Variants in ZNF532 observed in about 807,000 individuals in gnomAD.
ZNF532 encodes zinc finger protein 532.
In ZNF532, 22 loss-of-function variants were observed where a neutral mutation model predicts 89.3. The observed-to-expected ratio is 0.25, with a 90% confidence interval of 0.18 to 0.35. The LOEUF (loss-of-function observed/expected upper bound fraction) is 0.35, where lower values mean the gene tolerates loss of function less well. Ranked by LOEUF, ZNF532 falls within the 10% of genes least tolerant of loss-of-function variation. The pLI is 1.00. For synonymous variants in ZNF532, 606 were observed against 649.6 expected (o/e 0.93, Z 1.02); for missense variants, 1,132 against 1,643.4 (o/e 0.69, Z 5.38).
At chr18:58,936,146 C>G (rs561851449) in intron 4 of ZNF532, among the ~76,000 whole-genome samples, 2 of 152,170 alleles carry the variant, frequency 1.3e-5, no homozygotes, top group Admixed American at 6.5e-5. Context: ...TGGTAATTCA[C>G]GTATTCTTTC....
chr18:58,873,646 G>T (rs2057180247), intron 2 of ZNF532, among the ~76,000 whole-genome samples: 1 of 151,950 alleles, frequency 6.6e-6, no homozygotes, highest in African/African-American at 2.4e-5. Context: ...TAGAGACGGG[G>T]TAACACCATG....
chr18:58,904,130 T>A (rs2059773981), intron 2 of ZNF532, among the ~76,000 whole-genome samples: 1 of 152,120 alleles, frequency 6.6e-6, no homozygotes, highest in South Asian at 2.1e-4. Context: ...GCAGGCGAAT[T>A]GCTTCAGCTC....
At chr18:58,937,130 T>A (rs896962514) in intron 4 of ZNF532, among the ~76,000 whole-genome samples, 1 of 152,302 alleles carries the variant, frequency 6.6e-6, no homozygotes, top group East Asian at 1.9e-4. Flanking sequence ...AGGGGAATGG[T>A]TATAGGATTT....
intron 2 of ZNF532, among the ~76,000 whole-genome samples, chr18:58,898,168 T>C (rs1279306369): frequency 6.6e-6 from 1 of 152,188 alleles, no homozygotes; most frequent in African/African-American, 2.4e-5. Context: ...GACTTGTTCA[T>C]TTGAGATAGT....
chr18:58,945,011 T>C (rs989475285), intron 5 of ZNF532, among the ~76,000 whole-genome samples: 1 of 152,176 alleles, frequency 6.6e-6, no homozygotes, highest in African/African-American at 2.4e-5. Flanking sequence ...TCATTGTTGA[T>C]TACAATACCA....
chr18:58,920,960 TGCCTGTTGCGCCA>T (rs2061026342), intron 3 of ZNF532, among the ~76,000 whole-genome samples: 1 of 151,950 alleles, frequency 6.6e-6, no homozygotes, highest in Admixed American at 6.6e-5. Flanking sequence ...CAGTGGCGTG[TGCCTGTTGCGCCA>T]GCTATATTCG....
chr18:58,919,216 C>T lies in ZNF532; in HGVS notation c.929C>T (p.Ala310Val). 6.2e-7 allele frequency: 1 copy of T among 1,614,092 alleles called. No homozygotes were observed. Among genetic ancestry groups the T allele is most frequent in the Non-Finnish European group, 8.5e-7 (1 of 1,179,970 alleles). ...AAAGAAGTAAATGACAGTCCGAGAG[C>T]CGCTGACAAGTCTCCTGAATCCCAG... Reference protein sequence around the residue: ...LPKEVNDSPRAADKSPESQNL... With the variant: ...LPKEVNDSPRVADKSPESQNL... The change falls in exon 3 of 10, where the codon GCC (alanine) becomes GTC (valine). Residue 310 changes from alanine to valine, a missense_variant. Coordinates refer to ENST00000591808, the MANE Select transcript of ZNF532 (RefSeq NM_001375912.1). The surrounding 1 kb of genome is among the most constrained non-coding windows in gnomAD (Gnocchi z 6.1).
At chr18:58,956,874 T>A (rs2064831911) in intron 7 of ZNF532, among the ~76,000 whole-genome samples, 1 of 152,200 alleles carries the variant, frequency 6.6e-6, no homozygotes, top group African/African-American at 2.4e-5. Flanking sequence ...CAGGTTTCTG[T>A]CCTAGAAACA....
intron 4 of ZNF532, among the ~76,000 whole-genome samples, chr18:58,937,172 A>C (rs2062550465): frequency 6.6e-6 from 1 of 152,254 alleles, no homozygotes; most frequent in South Asian, 2.1e-4. Flanking sequence ...AATTCAAAAA[A>C]TAAAGAAACT....
rs779781009 is a variant in ZNF532 at position 58,919,537 on chromosome 18, C to A, written c.1250C>A (p.Ser417Tyr). 3 of 1,614,078 alleles carry A rather than the reference C, an allele frequency of 1.9e-6. No homozygotes were observed. The African/African-American group carries it at 4.0e-5, about 22-fold the overall frequency. ...TCTCCAGCATCAGCCGCCGTCCTTT[C>A]CTCTCCCCCCAGGGCGCCTCTCCAG... is the stretch of plus-strand genomic sequence containing the variant. ...LSSPASAAVL[S>Y]SPPRAPLQSA... is the part of the protein sequence containing the mutation. Residue 417 changes from serine to tyrosine, a missense_variant, in exon 3 of 10, where the codon TCC becomes TAC. Physicochemically the swap from Ser to Tyr is moderately radical, Grantham distance 144. This residue lies in a region of ZNF532 where 124 missense variants were observed against 191.6 expected (regional missense o/e 0.65). Coordinates refer to ENST00000591808, the MANE Select transcript of ZNF532 (RefSeq NM_001375912.1). This position sits in a 1 kb window ranked among gnomAD's most constrained non-coding sequence, Gnocchi z 6.1.
At chr18:58,896,180 C>G (rs1405184482) in intron 2 of ZNF532, among the ~76,000 whole-genome samples, 1 of 152,126 alleles carries the variant, frequency 6.6e-6, no homozygotes, top group Non-Finnish European at 1.5e-5. Context: ...ACTTTCTTCC[C>G]TGTTAAATCT....
chr18:58,946,025 G>A (rs1412067276), intron 5 of ZNF532, among the ~76,000 whole-genome samples: 2 of 152,038 alleles, frequency 1.3e-5, no homozygotes, highest in East Asian at 1.9e-4. Context: ...CACTGCGCCC[G>A]GCCAAGTCTA....
At position 58,986,352 on chromosome 18, in the gene ZNF532, T is replaced by A. The variant is rs1447619900; in HGVS notation, c.*1886T>A. 1 of 152,688 alleles carries A rather than the reference T, an allele frequency of 6.5e-6. No homozygotes were observed. Among genetic ancestry groups the A allele is most frequent in the Admixed American group, 6.5e-5 (1 of 15,292 alleles). 9.5% of individuals were successfully genotyped at this position (152,688 alleles called of 1,614,324 possible). ...AGTTCTTTGCCGAAGCCCTCATAGC[T>A]GGTAAGTGGCTTTGCATATTAGAAC... is the stretch of plus-strand genomic sequence containing the variant. On this transcript the variant is annotated 3_prime_UTR_variant, in exon 10 of 10. Coordinates refer to ENST00000591808, the MANE Select transcript of ZNF532 (RefSeq NM_001375912.1).
chr18:58,920,698 T>A, intron 3 of ZNF532, 65 bp downstream of exon 3: 1 of 1,412,678 alleles, frequency 7.1e-7, no homozygotes, highest in Non-Finnish European at 9.6e-7. Context: ...CTTGATAAGA[T>A]GCCCTTGATT....
intron 2 of ZNF532, among the ~76,000 whole-genome samples, chr18:58,888,783 A>T (rs1276542543): frequency 1.8e-5 from 1 of 54,476 alleles, no homozygotes; most frequent in Non-Finnish European, 2.8e-5. Context: ...TTATATATAT[A>T]TAAAATATAT....
chr18:58,909,111 G>A (rs538592317), intron 2 of ZNF532, among the ~76,000 whole-genome samples: 4 of 152,172 alleles, frequency 2.6e-5, no homozygotes, highest in East Asian at 1.9e-4. Flanking sequence ...GCACTACCAC[G>A]CCTGGCTAAT....
intron 7 of ZNF532, among the ~76,000 whole-genome samples, chr18:58,967,229 A>G (rs1470776166): frequency 1.3e-5 from 2 of 152,046 alleles, no homozygotes; most frequent in Non-Finnish European, 2.9e-5. Flanking sequence ...ATTAGAACCC[A>G]TTGCCAGATA....
chr18:58,894,724 C>T (rs976455105), intron 2 of ZNF532, among the ~76,000 whole-genome samples: 3 of 152,190 alleles, frequency 2.0e-5, no homozygotes, highest in African/African-American at 7.2e-5. Context: ...CCTCGATTTT[C>T]AGGCACTACT....
At chr18:58,954,764 A>G (rs149687003) in intron 7 of ZNF532, among the ~76,000 whole-genome samples, 22 of 150,388 alleles carry the variant, frequency 1.5e-4, no homozygotes, top group Non-Finnish European at 2.4e-4. Flanking sequence ...CCAGGCTGAA[A>G]TGCAGTGGCA....
Sources: gnomAD v4.1 joint callset for allele counts (sites outside exome capture counted in the v4.1 genomes callset) on GRCh38, gnomAD v4.1.1 for gene constraint, gnomAD v4.1.1 regional missense constraint, Gnocchi (gnomAD v3.1) non-coding constraint, MANE v1.5 for transcripts, NCBI Gene and HGNC (gene_info 2026-07-23, HGNC 2026-07-21) for gene names.